Variants in PDGFRA observed in about 807,000 individuals in gnomAD.
PDGFRA encodes platelet-derived growth factor receptor alpha.
In PDGFRA, 25 loss-of-function variants were observed where a neutral mutation model predicts 121.5. The observed-to-expected ratio is 0.21, with a 90% CI of 0.15 to 0.29. The LOEUF (loss-of-function observed/expected upper bound fraction) is 0.29, where lower values mean the gene tolerates loss of function less well. Ranked by LOEUF, PDGFRA falls within the 10% of genes least tolerant of loss-of-function variation. The pLI is 1.00. For synonymous variants in PDGFRA, 463 were observed against 494.8 expected, an observed-to-expected ratio of 0.94 and a Z score of 0.85; for missense variants, 1,008 against 1,345.1, an observed-to-expected ratio of 0.75 and a Z score of 3.92.
At chr4:54,244,639 G>A (rs899020017) in intron 1 of PDGFRA, among the ~76,000 whole-genome samples, 8 of 152,332 alleles carry the variant, frequency 5.3e-5, no homozygotes, top group African/African-American at 1.9e-4. Context: ...AGAAAAACTG[G>A]AAACTCTGAA....
chr4:54,260,221 A>G (rs1232421148), intron 2 of PDGFRA, among the ~76,000 whole-genome samples: 2 of 152,156 alleles, frequency 1.3e-5, no homozygotes, highest in African/African-American at 2.4e-5. Context: ...TCTCATAAAA[A>G]TAAAGAAATA....
intron 1 of PDGFRA, among the ~76,000 whole-genome samples, chr4:54,251,169 A>C (rs77919745): frequency 0.019 from 2,868 of 152,256 alleles, 99 homozygotes; most frequent in African/African-American, 0.066. Flanking sequence ...TAATATATTC[A>C]TAAGGAATGT....
rs945939446 is a variant in PDGFRA at position 54,258,959 on chromosome 4, G to C, written c.49+142G>C. ...ATAGAAAACTATAGGACGTTATCCA[G>C]AATGACCACAAACCTTCAGTTCCCT... On this transcript the variant is annotated intron_variant, in intron 2 of 22. Coordinates refer to ENST00000257290, the MANE Select transcript of PDGFRA (RefSeq NM_006206.6). The C allele has an allele frequency of 1.2e-5, 9 of 743,380 alleles. No individual in the cohort carries two copies. The African/African-American group carries it at 1.4e-4, about 12-fold the overall frequency. 46.0% of individuals were successfully genotyped at this position (743,380 alleles called of 1,614,324 possible).
In PDGFRA at chr4:54,258,449, A is replaced by AAT. The variant is rs1553901893; in HGVS notation, c.-12-297_-12-296dup. Among the ~76,000 whole-genome samples the AAT allele has an allele frequency of 1.2e-4, 18 of 151,986 alleles. No homozygotes were observed. The South Asian group carries it at 1.2e-3, about 11-fold the overall frequency. On this transcript the variant is annotated intron_variant, in intron 1 of 22. Transcript: ENST00000257290. ...AGCTCTAGTTTGGAAGCTGAGAAAA[A>AAT]ATATATATATATGTATTTATTTCTT...
At chr4:54,242,951 T>C (rs889754439) in intron 1 of PDGFRA, among the ~76,000 whole-genome samples, 1 of 152,236 alleles carries the variant, frequency 6.6e-6, no homozygotes, top group Non-Finnish European at 1.5e-5. Flanking sequence ...CTTTGCATTA[T>C]GAGGGAACCT....
intron 19 of PDGFRA, 136 bp from the exon 20 acceptor site, chr4:54,288,663 C>T (rs1724472703): frequency 1.4e-6 from 1 of 723,638 alleles, no homozygotes; most frequent in African/African-American, 1.7e-5. Context: ...GATGATGACA[C>T]TGAATTTTCT....
chr4:54,292,996 T>C (rs917913327), intron 22 of PDGFRA, among the ~76,000 whole-genome samples: 1 of 152,192 alleles, frequency 6.6e-6, no homozygotes, highest in Non-Finnish European at 1.5e-5. Flanking sequence ...GATTTATCCA[T>C]GTAACCTGCA....
chr4:54,250,071 A>C (rs1410025044), intron 1 of PDGFRA, among the ~76,000 whole-genome samples: 2 of 152,344 alleles, frequency 1.3e-5, no homozygotes, highest in East Asian at 3.9e-4. Flanking sequence ...CTCTTGAATA[A>C]GATTTTCATG....
intron 1 of PDGFRA, among the ~76,000 whole-genome samples, chr4:54,237,686 C>T (rs1456612769): frequency 6.6e-6 from 1 of 152,222 alleles, no homozygotes; most frequent in Non-Finnish European, 1.5e-5. Context: ...AGGCACATGT[C>T]AGGATCCTCG....
Position 54,256,614 on chromosome 4 carries a change from A to G in PDGFRA, c.-12-2143A>G, listed in dbSNP as rs373630331. Among the ~76,000 whole-genome samples the G allele has an allele frequency of 3.4e-3, 521 of 151,356 alleles. 7 individuals are homozygous for G. The South Asian group carries it at 0.043, about 12-fold the overall frequency. On this transcript the variant is annotated intron_variant, in intron 1 of 22. Transcript: ENST00000257290. ...CACTGGAGTGCAATGGTGCGATCTC[A>G]GCTCACTGCAGCCTCTGCCTCCCTG...
intron 3 of PDGFRA, among the ~76,000 whole-genome samples, 162 bp from the exon 4 acceptor site, chr4:54,263,505 C>T (rs538128373): frequency 6.6e-6 from 1 of 152,298 alleles, no homozygotes; most frequent in Admixed American, 6.5e-5. Flanking sequence ...CACTTTGTAG[C>T]TGTCATGATA....
intron 1 of PDGFRA, chr4:54,230,270 C>G (rs1720588834): frequency 1.3e-5 from 2 of 153,054 alleles, no homozygotes; most frequent in Non-Finnish European, 2.9e-5. Context: ...CACGCCCTAG[C>G]GCGGGGGCGA....
chr4:54,233,987 G>T (rs1420753229), intron 1 of PDGFRA, among the ~76,000 whole-genome samples: 1 of 152,252 alleles, frequency 6.6e-6, no homozygotes, highest in Non-Finnish European at 1.5e-5. Flanking sequence ...ACGGCGTCGA[G>T]GTCCAGGCGG....
chr4:54,243,671 AG>A (rs1721435744), intron 1 of PDGFRA: 1 of 152,588 alleles, frequency 6.6e-6, no homozygotes, highest in Admixed American at 6.5e-5. Context: ...TTTCCATCTG[AG>A]GTATCAGGTT....
rs867918029 is a variant in PDGFRA, at chr4:54,280,564, A to G, written c.2323+82A>G. ...ACTTAAAGTATTTAGAGGGAAGTGT[A>G]TAGGGATGGTAAGTGAACCTGGCAG... On this transcript the variant is annotated intron_variant, in intron 16 of 22. Transcript: ENST00000257290. 2.3e-5 allele frequency: 27 copies of G among 1,181,262 alleles called. No homozygotes were observed. The Middle Eastern group carries it at 4.4e-3, about 192-fold the overall frequency. 73.2% of individuals were successfully genotyped at this position (1,181,262 alleles called of 1,614,324 possible). A position where few individuals can be genotyped will look rare whatever the true frequency, so the allele number is the denominator to read the frequency against.
At chr4:54,253,063 C>T (rs1722144002) in intron 1 of PDGFRA, among the ~76,000 whole-genome samples, 2 of 151,918 alleles carry the variant, frequency 1.3e-5, no homozygotes, top group Admixed American at 6.6e-5. Flanking sequence ...TATAGCCACA[C>T]CAGGCTGGAG....
chr4:54,288,701 G>T, intron 19 of PDGFRA, 98 bp from the exon 20 acceptor site: 1 of 796,332 alleles, frequency 1.3e-6, no homozygotes, highest in East Asian at 2.5e-5. Flanking sequence ...CAAGGCTATA[G>T]GATCTGAAAG....
intron 21 of PDGFRA, 50 bp downstream of exon 21, chr4:54,289,164 A>G (rs764960891): frequency 9.6e-7 from 1 of 1,039,730 alleles, no homozygotes; most frequent in Admixed American, 1.7e-5. Context: ...TGGAAGTTAT[A>G]CCAGTGAGCT....
At position 54,241,058 on chromosome 4, in the gene PDGFRA, C is replaced by T. The variant is rs148813755; in HGVS notation, c.-13+11643C>T. On this transcript the variant is annotated intron_variant, in intron 1 of 22. Coordinates refer to ENST00000257290, the MANE Select transcript of PDGFRA (RefSeq NM_006206.6). ...TAAATAAGTCCAAGCATTTCTCAAGCTCATGTAACTTAAGTTTACTAAAAT... is the reference window on the plus strand; with the variant it reads ...TAAATAAGTCCAAGCATTTCTCAAGTTCATGTAACTTAAGTTTACTAAAAT... 4.6e-3 allele frequency among the ~76,000 whole-genome samples: 693 copies of T among 152,248 alleles called. 4 individuals carry two copies. The highest frequency in any genetic ancestry group is 0.016 in the African/African-American group (645 of 41,534).
Sources: gnomAD v4.1 joint callset for allele counts (sites outside exome capture counted in the v4.1 genomes callset) on GRCh38, gnomAD v4.1.1 for gene constraint, MANE v1.5 for transcripts, NCBI Gene and HGNC (gene_info 2026-07-23, HGNC 2026-07-21) for gene names.